APOO: variants seen among roughly 807,000 people sequenced by gnomAD.
APOO encodes MICOS complex subunit MIC26.
A neutral mutation model predicts 23.1 loss-of-function variants in APOO; 11 were observed. The ratio of observed to expected loss-of-function variants is 0.48; its 90% CI spans 0.30 to 0.79. The LOEUF (loss-of-function observed/expected upper bound fraction) is 0.79, where lower values mean the gene tolerates loss of function less well. Ranked by LOEUF, APOO falls within the 30% of genes least tolerant of loss-of-function variation. The pLI is 0.07. For synonymous variants in APOO, 59 were observed against 54.8 expected, an observed-to-expected ratio of 1.08 and a Z score of -0.34; for missense variants, 160 against 142.7, an observed-to-expected ratio of 1.12 and a Z score of -0.62.
chrX:23,849,209 A>G (rs1924403827), intron 7 of APOO, among the ~76,000 whole-genome samples: 1 of 109,078 alleles, frequency 9.2e-6, no homozygotes, highest in African/African-American at 3.3e-5. Flanking sequence ...AAGTGTTGGG[A>G]TTACAGGTGT....
intron 1 of APOO, among the ~76,000 whole-genome samples, chrX:23,900,589 G>A (rs1445248309): frequency 1.9e-5 from 2 of 107,711 alleles, no homozygotes; most frequent in Non-Finnish European, 3.8e-5. Flanking sequence ...GGAGGAGACC[G>A]GCTTGAACCC....
At chrX:23,834,727 TA>T (rs1426584856) in intron 8 of APOO, among the ~76,000 whole-genome samples, 3 of 100,999 alleles carry the variant, frequency 3.0e-5, no homozygotes, top group East Asian at 3.0e-4. Context: ...GCTTTTTTCA[TA>T]TTTTTTTTTT....
Position 23,880,894 on chromosome X carries a change from G to A in APOO, c.68C>T (p.Ala23Val). The A allele has an allele frequency of 1.7e-6, 2 of 1,190,948 alleles. No homozygotes were observed. The highest frequency in any genetic ancestry group is 2.3e-6 in the Non-Finnish European group (2 of 886,952). The change falls in exon 2 of 9, where the codon GCA (alanine) becomes GTA (valine). Residue 23 changes from alanine to valine, a missense_variant. Physicochemically the swap from Ala to Val is moderately conservative, Grantham distance 64 (BLOSUM62 0). Transcript: ENST00000379226. ...SLSLLTFKVY[A>V]APKKDSPPKN... ...GGGAGGTGAGTCCTTTTTTGGTGCT[G>A]CATAGACTTTGAAGGTGAGCAAGCT... is the stretch of plus-strand genomic sequence containing the variant.
chrX:23,853,613 T>G lies in APOO; in HGVS notation c.561+2689A>C, dbSNP rs73625185. Reference sequence around the variant, plus strand: ...ATGAGCCACCGAGCCCGACCGTTTTTTTTTTTTGTTTGTTTGTTTGTTTGT... The same window carrying G: ...ATGAGCCACCGAGCCCGACCGTTTTGTTTTTTTGTTTGTTTGTTTGTTTGT... On this transcript the variant is annotated intron_variant, in intron 7 of 8. Coordinates refer to ENST00000379226, the MANE Select transcript of APOO (RefSeq NM_024122.5). 6.2e-3 allele frequency among the ~76,000 whole-genome samples: 588 copies of G among 95,312 alleles called. 5 individuals are homozygous for G. The highest frequency in any genetic ancestry group is 0.029 in the African/African-American group (563 of 19,205). The allele number at this position is 95,312 out of a possible 115,157, so 82.8% of individuals were successfully genotyped here.
At position 23,874,333 on chromosome X, in the gene APOO, C is replaced by T. The variant is rs1382165832; in HGVS notation, c.292+70G>A. The T allele has an allele frequency of 3.2e-6, 3 of 933,992 alleles. No homozygotes were observed. In the East Asian group the frequency reaches 9.3e-5, roughly 29 times the overall value. 77.0% of individuals were successfully genotyped at this position (933,992 alleles called of 1,213,427 possible). ...ATACACAGATTTCTTGGAGCTCATT[C>T]ATGGAACTCCGATTAAAGAGTTCAA... On this transcript the variant is annotated intron_variant, in intron 4 of 8. Coordinates refer to ENST00000379226, the MANE Select transcript of APOO (RefSeq NM_024122.5).
intron 8 of APOO, among the ~76,000 whole-genome samples, chrX:23,836,526 G>A (rs767707616): frequency 3.5e-4 from 39 of 110,980 alleles, no homozygotes; most frequent in Admixed American, 2.3e-3. Flanking sequence ...TATTGGCCAG[G>A]CTAGTCTCAA....
chrX:23,856,498 T>C (rs1205859419), intron 6 of APOO, 116 bp from the exon 7 acceptor site: 3 of 533,252 alleles, frequency 5.6e-6, no homozygotes, highest in African/African-American at 2.4e-5. Context: ...ATGTTCATCA[T>C]AGCACTATGC....
chrX:23,895,795 A>G (rs1412160098), intron 1 of APOO, among the ~76,000 whole-genome samples: 2 of 109,026 alleles, frequency 1.8e-5, no homozygotes, highest in Admixed American at 2.0e-4. Flanking sequence ...ATCAAGCTTT[A>G]TGTAAACTTG....
intron 2 of APOO, among the ~76,000 whole-genome samples, chrX:23,879,464 C>T (rs1294800206): frequency 9.0e-6 from 1 of 111,361 alleles, no homozygotes; most frequent in African/African-American, 3.3e-5. Context: ...TTCATGAATT[C>T]CAGTGACTCT....
At chrX:23,841,082 T>C (rs1043816697) in intron 7 of APOO, among the ~76,000 whole-genome samples, 2 of 112,145 alleles carry the variant, frequency 1.8e-5, no homozygotes, top group African/African-American at 6.5e-5. Context: ...CAGATGGCAG[T>C]CTGAAAAACA....
At chrX:23,897,994 C>CAAAGAAAA (rs1926974606) in intron 1 of APOO, among the ~76,000 whole-genome samples, 1 of 38,303 alleles carries the variant, frequency 2.6e-5, no homozygotes. Context: ...GATTCTGTCT[C>CAAAGAAAA]AAAAAAAAAA....
intron 4 of APOO, among the ~76,000 whole-genome samples, chrX:23,871,362 CAAAA>C (rs750866169): frequency 3.6e-5 from 2 of 56,319 alleles, no homozygotes. Context: ...GACTCCGTCT[CAAAA>C]AAAAAAAAAA....
chrX:23,891,180 A>G (rs1045762701), intron 1 of APOO, among the ~76,000 whole-genome samples: 1 of 109,765 alleles, frequency 9.1e-6, no homozygotes, highest in African/African-American at 3.3e-5. Context: ...GTAGTCTTTA[A>G]CTCTCTCCTC....
At chrX:23,842,329 C>A (rs1924022764) in intron 7 of APOO, among the ~76,000 whole-genome samples, 2 of 111,583 alleles carry the variant, frequency 1.8e-5, no homozygotes, top group South Asian at 7.5e-4. Flanking sequence ...GTTGAGGCTG[C>A]AGTAAGCTGT....
At chrX:23,848,678 ATTTTC>A (rs1245724502) in intron 7 of APOO, among the ~76,000 whole-genome samples, 1 of 104,369 alleles carries the variant, frequency 9.6e-6, no homozygotes, top group Non-Finnish European at 2.0e-5. Context: ...AAATATCACC[ATTTTC>A]TTTTCTTTTT....
chrX:23,898,360 C>T (rs1395417535), intron 1 of APOO, among the ~76,000 whole-genome samples: 2 of 110,674 alleles, frequency 1.8e-5, no homozygotes, highest in African/African-American at 6.6e-5. Flanking sequence ...GCCTCAGCCT[C>T]CCAAAGTGCT....
At chrX:23,891,258 G>A (rs181042154) in intron 1 of APOO, among the ~76,000 whole-genome samples, 2 of 109,427 alleles carry the variant, frequency 1.8e-5, no homozygotes, top group Admixed American at 2.0e-4. Context: ...ACAGAGTCTC[G>A]CTCTGTCACC....
intron 1 of APOO, among the ~76,000 whole-genome samples, chrX:23,906,623 G>A (rs1185341441): frequency 3.5e-5 from 4 of 112,819 alleles, no homozygotes; most frequent in Non-Finnish European, 7.5e-5. Flanking sequence ...AATGAATGTT[G>A]ATTATAGGAT....
intron 5 of APOO, among the ~76,000 whole-genome samples, chrX:23,867,373 C>A (rs1381675646): frequency 1.8e-5 from 2 of 110,481 alleles, no homozygotes; most frequent in African/African-American, 6.6e-5. Flanking sequence ...AACATGAGGG[C>A]TGGTTGTTTA....
Sources: gnomAD v4.1 joint callset for allele counts (sites outside exome capture counted in the v4.1 genomes callset) on GRCh38, gnomAD v4.1.1 for gene constraint, MANE v1.5 for transcripts, NCBI Gene and HGNC (gene_info 2026-07-23, HGNC 2026-07-21) for gene names.